GPHN: variants seen among roughly 807,000 people sequenced by gnomAD.
GPHN encodes gephyrin.
In GPHN, 17 loss-of-function variants were observed where a neutral mutation model predicts 95.5. The observed-to-expected ratio is 0.18, with a 90% CI of 0.12 to 0.27. The LOEUF (loss-of-function observed/expected upper bound fraction) is 0.27, where lower values mean the gene tolerates loss of function less well. Ranked by LOEUF, GPHN falls within the 10% of genes least tolerant of loss-of-function variation. GPHN has a pLI of 1.00. For missense variants in GPHN, 660 were observed against 978.1 expected, an observed-to-expected ratio of 0.67 and a Z score of 4.34; for synonymous variants, 320 against 322.5, an observed-to-expected ratio of 0.99 and a Z score of 0.08.
intron 10 of GPHN, among the ~76,000 whole-genome samples, chr14:67,045,821 G>C (rs1439628682): frequency 6.6e-6 from 1 of 151,052 alleles, no homozygotes; most frequent in Non-Finnish European, 1.5e-5. Flanking sequence ...CTGTGTGTGT[G>C]TCTCTCTCTC....
At chr14:67,261,520 TA>T in the GPHN span, among the ~76,000 whole-genome samples, 1 of 152,216 alleles carries the variant, frequency 6.6e-6, no homozygotes, top group Non-Finnish European at 1.5e-5. Context: ...GAGTCTATTA[TA>T]TTTTTAGGAT....
chr14:67,375,995 C>A, the GPHN span, among the ~76,000 whole-genome samples: 2 of 151,886 alleles, frequency 1.3e-5, no homozygotes, highest in Admixed American at 1.3e-4. Context: ...TTGTCTACAC[C>A]CTGTTAATTT....
chr14:66,908,757 G>A (rs2065517146), intron 5 of GPHN, among the ~76,000 whole-genome samples: 1 of 151,534 alleles, frequency 6.6e-6, no homozygotes, highest in African/African-American at 2.4e-5. Flanking sequence ...AAAAATGGCT[G>A]TATATCTCTA....
chr14:67,600,229 C>G, the GPHN span: 2 of 1,542,460 alleles, frequency 1.3e-6, no homozygotes, highest in Non-Finnish European at 1.7e-6. Context: ...CCGCCCGCAC[C>G]GCGCGGCGCT....
the GPHN span, among the ~76,000 whole-genome samples, chr14:67,363,332 C>T: frequency 1.3e-5 from 2 of 151,660 alleles, no homozygotes; most frequent in African/African-American, 4.8e-5. Flanking sequence ...ATTTTGTATT[C>T]CCTACAAAGA....
the GPHN span, among the ~76,000 whole-genome samples, chr14:67,604,320 G>C: frequency 6.6e-6 from 1 of 152,164 alleles, no homozygotes; most frequent in African/African-American, 2.4e-5. Flanking sequence ...GATGAACAGA[G>C]GTTTTAATTT....
intron 3 of GPHN, among the ~76,000 whole-genome samples, chr14:66,787,617 G>C (rs2059822734): frequency 6.6e-6 from 1 of 152,052 alleles, no homozygotes; most frequent in Admixed American, 6.6e-5. Context: ...TATAGTATTG[G>C]CAGAGAAATA....
At chr14:67,203,438 T>C in the GPHN span, 1 of 650,998 alleles carries the variant, frequency 1.5e-6, no homozygotes, top group Non-Finnish European at 2.5e-6. Context: ...AGGAGCATCC[T>C]TGAAGACGGG....
chr14:66,609,240 T>G (rs1047880654), intron 1 of GPHN, among the ~76,000 whole-genome samples: 1 of 152,108 alleles, frequency 6.6e-6, no homozygotes, highest in African/African-American at 2.4e-5. Flanking sequence ...TCATTGGAAT[T>G]TATTCTTTTT....
the GPHN span, among the ~76,000 whole-genome samples, chr14:67,611,779 G>C: frequency 2.6e-5 from 4 of 152,164 alleles, no homozygotes; most frequent in African/African-American, 9.7e-5. Context: ...AGACCAGGGT[G>C]GGGGGATGGT....
At chr14:67,353,987 C>T in the GPHN span, 28,730 of 151,272 alleles carry the variant, frequency 0.19, 4,387 homozygotes, top group East Asian at 0.5. Context: ...AAGGCATGTT[C>T]GACCCTTTCT....
chr14:67,572,604 T>G, the GPHN span, among the ~76,000 whole-genome samples: 1 of 136,184 alleles, frequency 7.3e-6, no homozygotes, highest in African/African-American at 2.5e-5. Flanking sequence ...CAAGCTAACA[T>G]TTATTGAACT....
At chr14:67,672,378 C>T in the GPHN span, among the ~76,000 whole-genome samples, 1 of 151,994 alleles carries the variant, frequency 6.6e-6, no homozygotes, top group Non-Finnish European at 1.5e-5. Context: ...CTCAGCTTCC[C>T]CAAGTGCTGG....
chr14:66,950,108 T>A (rs1420904278), intron 8 of GPHN, among the ~76,000 whole-genome samples: 2 of 152,052 alleles, frequency 1.3e-5, no homozygotes, highest in Non-Finnish European at 2.9e-5. Context: ...TATTTAATAA[T>A]TCACAGTCAA....
At chr14:67,437,281 G>C in the GPHN span, among the ~76,000 whole-genome samples, 1 of 152,188 alleles carries the variant, frequency 6.6e-6, no homozygotes, top group East Asian at 1.9e-4. Context: ...AAATAAACAA[G>C]TGAGCAAAGT....
At chr14:66,932,756 T>C (rs1279580666) in intron 8 of GPHN, among the ~76,000 whole-genome samples, 8 of 151,864 alleles carry the variant, frequency 5.3e-5, no homozygotes, top group African/African-American at 1.9e-4. Context: ...CTGCGAGGCC[T>C]GTATCTCTCC....
At chr14:67,669,087 A>G in the GPHN span, among the ~76,000 whole-genome samples, 1 of 152,094 alleles carries the variant, frequency 6.6e-6, no homozygotes, top group Non-Finnish European at 1.5e-5. Context: ...TCCTCACAAA[A>G]ACCCTGTGAA....
At chr14:67,382,834 A>G in the GPHN span, among the ~76,000 whole-genome samples, 3 of 152,056 alleles carry the variant, frequency 2.0e-5, no homozygotes, top group African/African-American at 4.8e-5. Flanking sequence ...TGATCTCAGA[A>G]TTGGAGAAAA....
At chr14:67,420,963 AT>A in the GPHN span, among the ~76,000 whole-genome samples, 1 of 152,182 alleles carries the variant, frequency 6.6e-6, no homozygotes, top group Admixed American at 6.5e-5. Context: ...GAGAATCTGC[AT>A]TTCTATCAAG....
Sources: gnomAD v4.1 joint callset for allele counts (sites outside exome capture counted in the v4.1 genomes callset) on GRCh38, gnomAD v4.1.1 for gene constraint, MANE v1.5 for transcripts, NCBI Gene and HGNC (gene_info 2026-07-23, HGNC 2026-07-21) for gene names.